LEPR: variants seen among roughly 807,000 people sequenced by gnomAD.
LEPR encodes the protein leptin receptor.
Under a neutral mutation model 114.7 loss-of-function variants are expected in LEPR, and 56 were observed. The observed-to-expected ratio is 0.49, with a 90% CI of 0.39 to 0.61. The LOEUF is 0.61. Among genes scored for constraint, LEPR ranks in the 20% least tolerant of loss-of-function variants. The pLI, the probability that LEPR is intolerant of heterozygous loss-of-function variation, is 0.00. For missense variants in LEPR, 1,202 were observed against 1,352.9 expected (o/e 0.89, Z 1.75); for synonymous variants, 443 against 461.4 (o/e 0.96, Z 0.51).
intron 2 of LEPR, among the ~76,000 whole-genome samples, chr1:65,520,883 T>C (rs1353975103): frequency 6.6e-6 from 1 of 152,266 alleles, no homozygotes; most frequent in Non-Finnish European, 1.5e-5. Flanking sequence ...GCTCATGCTA[T>C]TGCTTGTGGT....
At chr1:65,489,489 G>A (rs1469958934) in intron 2 of LEPR, among the ~76,000 whole-genome samples, 1 of 152,084 alleles carries the variant, frequency 6.6e-6, no homozygotes, top group Non-Finnish European at 1.5e-5. Context: ...CTATAGAGTT[G>A]TTTGAGTTAC....
At chr1:65,580,490 CTTTG>C (rs776803706) in intron 5 of LEPR, among the ~76,000 whole-genome samples, 2 of 152,134 alleles carry the variant, frequency 1.3e-5, no homozygotes, top group Non-Finnish European at 2.9e-5. Context: ...TAAGGGAAAG[CTTTG>C]TTTGGGCTCA....
Position 65,454,945 on chromosome 1 carries a change from C to T in LEPR, c.-21+29567C>T, listed in dbSNP as rs553776428. Among the ~76,000 whole-genome samples the T allele has an allele frequency of 3.3e-5, 5 of 152,284 alleles. No individual in the cohort carries two copies. The East Asian group carries it at 9.7e-4, about 29-fold the overall frequency. ...CAATCAGACGTAGATTTGGTCTTTT[C>T]ACATAGTTCCATATTTCTTGGAGGC... On this transcript the variant is annotated intron_variant, in intron 2 of 19. Transcript: ENST00000349533.
intron 2 of LEPR, among the ~76,000 whole-genome samples, chr1:65,564,853 A>G (rs559473560): frequency 6.6e-6 from 1 of 152,222 alleles, no homozygotes; most frequent in African/African-American, 2.4e-5. Context: ...AAATTATACT[A>G]CTATTTGGAT....
chr1:65,435,367 T>C (rs34188593), intron 2 of LEPR: 1 of 346,128 alleles, frequency 2.9e-6, no homozygotes, highest in South Asian at 1.3e-4. Flanking sequence ...TTTTCTTTTC[T>C]TTTTTTTTTT....
At chr1:65,529,196 C>A (rs1650200535) in intron 2 of LEPR, among the ~76,000 whole-genome samples, 1 of 151,992 alleles carries the variant, frequency 6.6e-6, no homozygotes, top group African/African-American at 2.4e-5. Context: ...TAAGGGATTT[C>A]TTCTCTCTCC....
intron 7 of LEPR, 30 bp from the exon 8 acceptor site, chr1:65,598,630 G>A (rs1165948473): frequency 3.1e-6 from 5 of 1,611,324 alleles, no homozygotes; most frequent in Middle Eastern, 2.0e-4. Context: ...TCAACTTGAT[G>A]TTCTGATGTT....
intron 2 of LEPR, chr1:65,434,502 A>G (rs1040964866): frequency 5.6e-5 from 55 of 984,934 alleles, no homozygotes; most frequent in Non-Finnish European, 6.4e-5. Context: ...AAACAATACT[A>G]TGAATTGGTG....
At chr1:65,483,658 C>T (rs1223952022) in intron 2 of LEPR, among the ~76,000 whole-genome samples, 1 of 152,138 alleles carries the variant, frequency 6.6e-6, no homozygotes, top group African/African-American at 2.4e-5. Context: ...TTACTACTTT[C>T]CCATCACTCT....
chr1:65,570,686 C>T lies in LEPR; in HGVS notation c.254C>T (p.Thr85Ile). 1 of 1,613,886 alleles carries T rather than the reference C, an allele frequency of 6.2e-7. No homozygotes were observed. The highest frequency in any genetic ancestry group is 1.3e-5 in the African/African-American group (1 of 75,058). ...SGTHFSNLSK[T>I]TFHCCFRSEQ... ...ACTCACTTTTCTAACTTATCCAAAA[C>T]AACTTTCCACTGTTGCTTTCGGAGT... is the stretch of plus-strand genomic sequence containing the variant. Residue 85 changes from threonine (T) to isoleucine (I), a missense_variant, in exon 4 of 20, where the codon ACA (threonine) becomes ATA (isoleucine). Thr to Ile is a moderately conservative substitution (Grantham distance 89). Coordinates refer to ENST00000349533, the MANE Select transcript of LEPR (RefSeq NM_002303.6).
intron 2 of LEPR, among the ~76,000 whole-genome samples, chr1:65,459,853 C>T (rs1423155748): frequency 6.6e-6 from 1 of 152,208 alleles, no homozygotes; most frequent in Non-Finnish European, 1.5e-5. Context: ...CCAAGCTCAT[C>T]TTACCTCAGA....
chr1:65,486,776 A>G (rs959803114), intron 2 of LEPR, among the ~76,000 whole-genome samples: 3 of 152,178 alleles, frequency 2.0e-5, no homozygotes, highest in African/African-American at 7.2e-5. Context: ...AACAAAGATG[A>G]GAGACACGTG....
chr1:65,592,368 T>C (rs1450894468), intron 5 of LEPR, among the ~76,000 whole-genome samples: 12 of 151,584 alleles, frequency 7.9e-5, no homozygotes, highest in Non-Finnish European at 4.4e-5. Flanking sequence ...TATTTCATCA[T>C]TATTTTGAAA....
intron 2 of LEPR, among the ~76,000 whole-genome samples, chr1:65,546,981 A>G (rs1472552126): frequency 6.6e-6 from 1 of 152,206 alleles, no homozygotes; most frequent in African/African-American, 2.4e-5. Context: ...GATATGTCCC[A>G]TGAATACCTA....
At chr1:65,629,533 C>T (rs2101033383) in intron 19 of LEPR, among the ~76,000 whole-genome samples, 1 of 152,090 alleles carries the variant, frequency 6.6e-6, no homozygotes, top group South Asian at 2.1e-4. Context: ...TAGATATATT[C>T]CACCTGTTGA....
At chr1:65,432,740 C>A in intron 2 of LEPR, 1 of 618,648 alleles carries the variant, frequency 1.6e-6, no homozygotes, top group Non-Finnish European at 2.0e-6. Flanking sequence ...TTTTAAAGAT[C>A]ACTTGCACAG....
At chr1:65,470,635 C>A (rs1374197407) in intron 2 of LEPR, among the ~76,000 whole-genome samples, 2 of 152,176 alleles carry the variant, frequency 1.3e-5, no homozygotes, top group Non-Finnish European at 2.9e-5. Flanking sequence ...TGATGTACCA[C>A]TGATTACCCA....
At chr1:65,572,195 T>A in intron 4 of LEPR, 131 bp from the exon 5 acceptor site, 1 of 1,205,874 alleles carries the variant, frequency 8.3e-7, no homozygotes, top group South Asian at 1.7e-5. Context: ...TCTCTCAGAA[T>A]AGGCAATGGA....
chr1:65,563,263 G>T (rs1260620211), intron 2 of LEPR, among the ~76,000 whole-genome samples: 164 of 88,142 alleles, frequency 1.9e-3, no homozygotes, highest in East Asian at 8.3e-3. Flanking sequence ...CTTTTTATTC[G>T]TTTTTCTCTA....
Sources: allele counts gnomAD v4.1 joint callset (sites outside exome capture counted in the v4.1 genomes callset), GRCh38; gene constraint gnomAD v4.1.1; transcripts MANE v1.5; gene names NCBI Gene and HGNC (gene_info 2026-07-23, HGNC 2026-07-21).